CTBP1: variants seen among roughly 807,000 people sequenced by gnomAD.
CTBP1 encodes the protein C-terminal-binding protein 1.
A neutral mutation model predicts 42.1 loss-of-function variants in CTBP1; 11 were observed. That is an observed-to-expected ratio of 0.26 (90% CI 0.16 to 0.43). The LOEUF (loss-of-function observed/expected upper bound fraction) is 0.43, where lower values mean the gene tolerates loss of function less well. Among genes scored for constraint, CTBP1 ranks in the 20% least tolerant of loss-of-function variants. The pLI, the probability that CTBP1 is intolerant of heterozygous loss-of-function variation, is 1.00. For missense variants in CTBP1, 399 were observed against 624.3 expected (o/e 0.64, Z 3.85); for synonymous variants, 324 against 277.1 (o/e 1.17, Z -1.68).
At chr4:1,241,707 G>C in intron 1 of CTBP1, 188 bp from the exon 2 acceptor site, 1 of 1,228,600 alleles carries the variant, frequency 8.1e-7, no homozygotes, top group Non-Finnish European at 1.0e-6. Context: ...CACACACGAA[G>C]GGCGCTCACC....
intron 6 of CTBP1, chr4:1,215,736 G>T: frequency 1.8e-6 from 1 of 545,372 alleles, no homozygotes; most frequent in Non-Finnish European, 3.3e-6. Context: ...GGCTTCAGGG[G>T]AATTTGGTGT....
In CTBP1 at chr4:1,212,271, G is replaced by A. The variant is rs200540863; in HGVS notation, c.1259C>T (p.Ala420Val). 2.9e-5 allele frequency: 44 copies of A among 1,501,984 alleles called. No individual in the cohort carries two copies. Among genetic ancestry groups the A allele is most frequent in the Middle Eastern group, 1.9e-4 (1 of 5,364 alleles). 93.0% of individuals were successfully genotyped at this position (1,501,984 alleles called of 1,614,324 possible). A position where few individuals can be genotyped will look rare whatever the true frequency, so the allele number is the denominator to read the frequency against. Residue 420 changes from alanine to valine, a missense_variant, in exon 10 of 10, where the codon GCG becomes GTG. Transcript: ENST00000382952. Reference sequence around the variant, plus strand: ...CTGGTCACTGGCGTGGTCTCTATCCGCCTCGGGCTTGACGGTTTGGCCAGG... The same window carrying A: ...CTGGTCACTGGCGTGGTCTCTATCCACCTCGGGCTTGACGGTTTGGCCAGG... ...PSPGQTVKPE[A>V]DRDHASDQL is the part of the protein sequence containing the mutation.
At position 1,238,080 on chromosome 4, in the gene CTBP1, A is replaced by G; in HGVS notation, c.162+103T>C. ...CTGGGACAGAGGCTGCTCCTGCCCC[A>G]GTGGCACCCAGACCTGCTGTGGCCC... On this transcript the variant is annotated intron_variant, in intron 3 of 9. Coordinates refer to ENST00000382952, the MANE Select transcript of CTBP1 (RefSeq NM_001012614.2). The surrounding 1 kb of genome is among the most constrained non-coding windows in gnomAD (Gnocchi z 5.9). The G allele has an allele frequency of 2.7e-6, 4 of 1,469,510 alleles. No homozygotes were observed. Among genetic ancestry groups the G allele is most frequent in the Non-Finnish European group, 3.8e-6 (4 of 1,055,794 alleles). 91.0% of individuals were successfully genotyped at this position (1,469,510 alleles called of 1,614,324 possible). A position where few individuals can be genotyped will look rare whatever the true frequency, so the allele number is the denominator to read the frequency against.
chr4:1,212,539 G>A, intron 9 of CTBP1, 116 bp from the exon 10 acceptor site: 1 of 944,156 alleles, frequency 1.1e-6, no homozygotes, highest in South Asian at 1.9e-5. Context: ...CAGCAGTCAG[G>A]GTAAGGATCC....
intron 5 of CTBP1, chr4:1,221,812 A>G (rs1225375133): frequency 6.7e-6 from 3 of 446,996 alleles, no homozygotes; most frequent in Non-Finnish European, 1.3e-5. Flanking sequence ...TCATGGGGTG[A>G]ATGTGTACAA....
intron 1 of CTBP1, among the ~76,000 whole-genome samples, chr4:1,246,928 G>C (rs916624856): frequency 6.6e-6 from 1 of 152,232 alleles, no homozygotes. Flanking sequence ...CCAGCCCTTG[G>C]GGGAGGCAGA....
At chr4:1,240,105 C>G (rs928981886) in intron 2 of CTBP1, among the ~76,000 whole-genome samples, 2 of 152,252 alleles carry the variant, frequency 1.3e-5, no homozygotes, top group African/African-American at 2.4e-5. Context: ...GCAGACCGCT[C>G]GGCTGCGTCA....
upstream of CTBP1, chr4:1,249,709 C>T (rs902384138): frequency 2.5e-6 from 1 of 405,628 alleles, no homozygotes; most frequent in South Asian, 1.7e-5. Flanking sequence ...CCCAGTGCGT[C>T]CCCAGGCGGG....
At chr4:1,225,169 G>A (rs550710521) in intron 5 of CTBP1, among the ~76,000 whole-genome samples, 191 bp downstream of exon 5, 5 of 152,308 alleles carry the variant, frequency 3.3e-5, no homozygotes, top group East Asian at 3.8e-4. Context: ...GTGCTGTGAC[G>A]TCCGTGCACG....
intron 4 of CTBP1, among the ~76,000 whole-genome samples, chr4:1,227,348 T>G (rs1680054): frequency 8.3e-6 from 1 of 119,854 alleles, no homozygotes. Flanking sequence ...GATGAGTGTG[T>G]GTGTTCCATG....
chr4:1,237,183 C>A lies in CTBP1; in HGVS notation c.162+1000G>T, dbSNP rs934014056. The A allele has an allele frequency of 7.0e-4, 465 of 666,038 alleles. 3 individuals carry two copies. The highest frequency in any genetic ancestry group is 5.4e-4 in the Middle Eastern group (2 of 3,726). The allele number at this position is 666,038 out of a possible 1,614,324, so 41.3% of individuals were successfully genotyped here. On this transcript the variant is annotated intron_variant, in intron 3 of 9. Transcript: ENST00000382952. ...ACCTCCTGATGGGGCTCAGGATAAA[C>A]CGAGTGTCCACCTCCTGATGGGGCA...
rs1032846198 is a variant in CTBP1 at position 1,213,658 on chromosome 4, G to C, written c.861-53C>G. ...CAGCCTGAGTGCTGTGGCTGGGTAC[G>C]GAGGGGAGGTGGCTGGGCACTGGAA... On this transcript the variant is annotated intron_variant, in intron 7 of 9. Transcript: ENST00000382952. 5 of 1,584,478 alleles carry C rather than the reference G, an allele frequency of 3.2e-6. No individual in the cohort carries two copies. The Admixed American group carries it at 8.7e-5, about 28-fold the overall frequency.
chr4:1,245,621 G>A, intron 1 of CTBP1: 2 of 984,430 alleles, frequency 2.0e-6, no homozygotes, highest in Non-Finnish European at 2.4e-6. Context: ...GGTGACACGG[G>A]CGGCATAGCA....
chr4:1,225,409 C>T lies in CTBP1; in HGVS notation c.465G>A (p.Ala155=), dbSNP rs372503163. The T allele has an allele frequency of 8.3e-6, 13 of 1,566,032 alleles. No homozygotes were observed. The highest frequency in any genetic ancestry group is 3.4e-4 in the Middle Eastern group (2 of 5,960). Residue 155 remains alanine (A), a synonymous_variant, in exon 5 of 10, where the codon GCG becomes GCA. Coordinates refer to ENST00000382952, the MANE Select transcript of CTBP1 (RefSeq NM_001012614.2). ...VQSVEQIREV[A]SGAARIRGET... is the part of the protein sequence containing the mutation. ...CCCCGCGGATCCTGGCAGCGCCGGACGCCACCTCGCGGATCTGCTCGACGC... is the reference window on the plus strand; with the variant it reads ...CCCCGCGGATCCTGGCAGCGCCGGATGCCACCTCGCGGATCTGCTCGACGC...
At chr4:1,245,672 G>C in intron 1 of CTBP1, 1 of 984,326 alleles carries the variant, frequency 1.0e-6, no homozygotes, top group Non-Finnish European at 1.2e-6. Flanking sequence ...CGGCAGGGCA[G>C]GGTGGCACGG....
chr4:1,236,024 C>T (rs187774343), intron 3 of CTBP1: 64 of 153,004 alleles, frequency 4.2e-4, no homozygotes, highest in South Asian at 3.1e-3. Context: ...ATGGATATCC[C>T]GGCAGGGCCC....
At chr4:1,212,502 G>T in intron 9 of CTBP1, 79 bp from the exon 10 acceptor site, 1 of 1,245,314 alleles carries the variant, frequency 8.0e-7, no homozygotes, top group Non-Finnish European at 1.1e-6. Context: ...AGCATCGGCA[G>T]CACCGAGGGG....
chr4:1,213,424 C>G lies in CTBP1; in HGVS notation c.988+54G>C, dbSNP rs1400999734. 4 of 1,599,146 alleles carry G rather than the reference C, an allele frequency of 2.5e-6. No homozygotes were observed. In the African/African-American group the frequency reaches 5.4e-5, roughly 21 times the overall value. Reference sequence around the variant, plus strand: ...CAGGCGGATGCGAGCCCATGAGCATCTGGGGCTGGCAGGAAGGGACCCCCA... The same window carrying G: ...CAGGCGGATGCGAGCCCATGAGCATGTGGGGCTGGCAGGAAGGGACCCCCA... On this transcript the variant is annotated intron_variant, in intron 8 of 9. Transcript: ENST00000382952.
rs763491837 is a variant in CTBP1 at position 1,213,578 on chromosome 4, T to G, written c.888A>C (p.Ala296=). 1 of 1,613,090 alleles carries G rather than the reference T, an allele frequency of 6.2e-7. No individual in the cohort carries two copies. The highest frequency in any genetic ancestry group is 8.5e-7 in the Non-Finnish European group (1 of 1,179,904). ...FSFSQGPLKD[A]PNLICTPHAA... ...CATGGGGGGTGCAGATGAGGTTGGG[T>G]GCATCCTTCAGAGGGCCCTGGCTAA... The change falls in exon 8 of 10, where the codon GCA becomes GCC. Residue 296 remains alanine (A), a synonymous_variant. Transcript: ENST00000382952.
Sources: allele counts gnomAD v4.1 joint callset (sites outside exome capture counted in the v4.1 genomes callset), GRCh38; gene constraint gnomAD v4.1.1; non-coding constraint Gnocchi (gnomAD v3.1); transcripts MANE v1.5; gene names NCBI Gene and HGNC (gene_info 2026-07-23, HGNC 2026-07-21).